The following C7 variants were observed in gnomAD, a reference collection of about 807,000 sequenced individuals.
C7 encodes complement component C7.
A neutral mutation model predicts 104.8 loss-of-function variants in C7; 83 were observed. That is an observed-to-expected ratio of 0.79 (90% CI 0.66 to 0.95). The LOEUF is 0.95. Ranked by LOEUF, C7 falls within the 40% of genes least tolerant of loss-of-function variation. The probability of loss-of-function intolerance (pLI) is 0.00; values close to 1 mark genes in which losing one functional copy is unlikely to be tolerated. For synonymous variants in C7, 415 were observed against 360.6 expected, an observed-to-expected ratio of 1.15 and a Z score of -1.71; for missense variants, 1,070 against 1,011.2, an observed-to-expected ratio of 1.06 and a Z score of -0.79.
In C7 at chr5:40,959,449, G is replaced by A; in HGVS notation, c.1490G>A (p.Gly497Glu). The A allele has an allele frequency of 6.2e-7, 1 of 1,609,464 alleles. No individual in the cohort carries two copies. The change falls in exon 12 of 18, where the codon GGA (glycine) becomes GAA (glutamate). Residue 497 changes from glycine (G) to glutamate (E), a missense_variant and splice_region_variant. By Grantham distance (98) the Gly-to-Glu change is moderately conservative (BLOSUM62 -2). Transcript: ENST00000313164. The stretch of plus-strand genomic sequence containing the variant: ...GATCAACCTCTTTCTCATCTTGTAG[G>A]AGGGGTTGATGGAGGTTGGAGTTGC... ...EQGVLVGNQA[G>E]GVDGGWSCWS...
intron 1 of C7, among the ~76,000 whole-genome samples, chr5:40,925,304 C>T (rs1047777711): frequency 6.6e-6 from 1 of 152,114 alleles, no homozygotes; most frequent in Non-Finnish European, 1.5e-5. Flanking sequence ...AGGGCATAAA[C>T]AGAGTGCAGC....
intron 17 of C7, 24 bp downstream of exon 17, chr5:40,979,933 A>T: frequency 1.9e-6 from 3 of 1,543,306 alleles, no homozygotes; most frequent in Non-Finnish European, 2.6e-6. Flanking sequence ...CATATTTGTA[A>T]GTATAAGAAT....
chr5:40,979,662 T>A lies in C7; in HGVS notation c.2166-63T>A, dbSNP rs1740896598. On this transcript the variant is annotated intron_variant, in intron 16 of 17. Coordinates refer to ENST00000313164, the MANE Select transcript of C7 (RefSeq NM_000587.4). Reference sequence around the variant, plus strand: ...CTAAGCTCAGAGCATCACTTTTCATTTCTCCTTCTCAGCTTTTACGAACAA... The same window carrying A: ...CTAAGCTCAGAGCATCACTTTTCATATCTCCTTCTCAGCTTTTACGAACAA... 2.1e-6 allele frequency: 3 copies of A among 1,412,806 alleles called. No individual in the cohort carries two copies. The Admixed American group carries it at 5.7e-5, about 27-fold the overall frequency. 87.5% of individuals were successfully genotyped at this position (1,412,806 alleles called of 1,614,324 possible).
rs138558983 is a variant in C7 at position 40,918,949 on chromosome 5, GACACACACAC to G, written c.6+9367_6+9376del. Among the ~76,000 whole-genome samples, 887 of 138,388 alleles carry G rather than the reference GACACACACAC, an allele frequency of 6.4e-3. 8 individuals carry two copies. The highest frequency in any genetic ancestry group is 0.02 in the African/African-American group (699 of 35,708). 90.8% of individuals were successfully genotyped at this position (138,388 alleles called of 152,430 possible). A position where few individuals can be genotyped will look rare whatever the true frequency, so the allele number is the denominator to read the frequency against. On this transcript the variant is annotated intron_variant, in intron 1 of 17. Transcript: ENST00000313164. ...CGCTTTAGACCTAATGAATCTAACA[GACACACACAC>G]ACACACACACACACACACACACACA...
rs779561040 is a variant in C7, at chr5:40,972,440, A to G, written c.1920A>G (p.Ile640Met). 24 of 1,613,790 alleles carry G rather than the reference A, an allele frequency of 1.5e-5. No homozygotes were observed. The highest frequency in any genetic ancestry group is 5.0e-5 in the Admixed American group (3 of 59,996). Residue 640 changes from isoleucine (I) to methionine (M), a missense_variant, in exon 15 of 18, where the codon ATA (isoleucine) becomes ATG (methionine). Ile to Met is a conservative substitution (Grantham distance 10). Transcript: ENST00000313164. The stretch of plus-strand genomic sequence containing the variant: ...TTCTACCTGTACTGATGGATGGCAT[A>G]CAGAGTCACCCCCAAAAACCTTTCT... Reference protein sequence around the residue: ...ACVLPVLMDGIQSHPQKPFYT... With the variant: ...ACVLPVLMDGMQSHPQKPFYT...
chr5:40,941,990 A>G (rs1337647703), intron 6 of C7, among the ~76,000 whole-genome samples: 2 of 152,224 alleles, frequency 1.3e-5, no homozygotes, highest in Admixed American at 6.5e-5. Context: ...CCAGAGAGAA[A>G]AAAAGAAAAC....
At chr5:40,970,520 G>A (rs1740675914) in intron 14 of C7, among the ~76,000 whole-genome samples, 2 of 152,294 alleles carry the variant, frequency 1.3e-5, no homozygotes, top group Non-Finnish European at 2.9e-5. Flanking sequence ...GCTGGGTGTG[G>A]TGGCATGTGC....
Position 40,910,410 on chromosome 5 carries a change from G to C in C7, c.6+794G>C, listed in dbSNP as rs115846397. Among the ~76,000 whole-genome samples, 916 of 152,216 alleles carry C rather than the reference G, an allele frequency of 6.0e-3. 2 individuals are homozygous for C. Among genetic ancestry groups the C allele is most frequent in the Middle Eastern group, 0.01 (3 of 294 alleles). On this transcript the variant is annotated intron_variant, in intron 1 of 17. Coordinates refer to ENST00000313164, the MANE Select transcript of C7 (RefSeq NM_000587.4). ...TCACAGATCTGTCAGTGGCTAGATT[G>C]CTTCCATAGTCACTGTATTGTCCAT...
intron 14 of C7, 108 bp from the exon 15 acceptor site, chr5:40,972,295 C>A: frequency 1.1e-6 from 1 of 872,964 alleles, no homozygotes; most frequent in Non-Finnish European, 1.8e-6. Flanking sequence ...CCTCCTTGTC[C>A]TCTAATATGA....
At chr5:40,909,962 T>C (rs1167338655) in intron 1 of C7, among the ~76,000 whole-genome samples, 3 of 150,690 alleles carry the variant, frequency 2.0e-5, no homozygotes. Flanking sequence ...GGGAAAAACT[T>C]TCCTCTGGTG....
chr5:40,980,108 G>C, intron 17 of C7, 199 bp downstream of exon 17: 1 of 401,036 alleles, frequency 2.5e-6, no homozygotes, highest in Non-Finnish European at 4.4e-6. Flanking sequence ...CAGAGGATAA[G>C]ATTCCCACAT....
chr5:40,913,016 A>T (rs748544981), intron 1 of C7, among the ~76,000 whole-genome samples: 2 of 152,122 alleles, frequency 1.3e-5, no homozygotes, highest in Non-Finnish European at 2.9e-5. Flanking sequence ...ATGTGTACAC[A>T]TTATTTAGCT....
At chr5:40,976,474 G>A (rs1430102923) in intron 15 of C7, among the ~76,000 whole-genome samples, 1 of 152,148 alleles carries the variant, frequency 6.6e-6, no homozygotes, top group Non-Finnish European at 1.5e-5. Context: ...GTGTTAGGGA[G>A]GCATGAATAT....
intron 1 of C7, among the ~76,000 whole-genome samples, chr5:40,910,117 G>C (rs1357917352): frequency 6.6e-6 from 1 of 151,752 alleles, no homozygotes; most frequent in Non-Finnish European, 1.5e-5. Flanking sequence ...AGCATTGTGA[G>C]AATAGAAGAT....
chr5:40,976,699 C>A lies in C7; in HGVS notation c.2075-51C>A. 9 of 1,311,636 alleles carry A rather than the reference C, an allele frequency of 6.9e-6. No individual in the cohort carries two copies. The South Asian group carries it at 1.0e-4, about 15-fold the overall frequency. 81.2% of individuals were successfully genotyped at this position (1,311,636 alleles called of 1,614,324 possible). ...AGCAATTCATATAATACCTTGTTTA[C>A]TATGAAGAGGCTTTTCTCCTAACGA... On this transcript the variant is annotated intron_variant, in intron 15 of 17. Transcript: ENST00000313164.
intron 14 of C7, among the ~76,000 whole-genome samples, chr5:40,967,203 C>T (rs1460387474): frequency 1.3e-5 from 2 of 151,716 alleles, no homozygotes; most frequent in Non-Finnish European, 2.9e-5. Flanking sequence ...GTAGCTGGGA[C>T]AACAGCCGTG....
chr5:40,981,284 C>A, intron 17 of C7, 108 bp from the exon 18 acceptor site: 4 of 1,047,440 alleles, frequency 3.8e-6, no homozygotes, highest in Non-Finnish European at 4.3e-6. Context: ...TCATTCCAGG[C>A]AGGAGCTTCT....
In C7 at chr5:40,937,615, A is replaced by G. The variant is rs752128792; in HGVS notation, c.492A>G (p.Gln164=). The G allele has an allele frequency of 1.1e-5, 17 of 1,612,760 alleles. No homozygotes were observed. Among genetic ancestry groups the G allele is most frequent in the African/African-American group, 6.7e-5 (5 of 74,904 alleles). ...RVINTKSFGG[Q]CRKVFSGDGK... ...TCAATACCAAAAGTTTTGGTGGTCA[A>G]TGTAGAAAGGTGTTTAGTGGGGATG... Residue 164 remains glutamine, a synonymous_variant, in exon 6 of 18, where the codon CAA becomes CAG. Coordinates refer to ENST00000313164, the MANE Select transcript of C7 (RefSeq NM_000587.4).
Position 40,960,967 on chromosome 5 carries a change from T to C in C7, c.1662-1118T>C, listed in dbSNP as rs570184307. Among the ~76,000 whole-genome samples, 8 of 152,308 alleles carry C rather than the reference T, an allele frequency of 5.3e-5. No individual in the cohort carries two copies. In the South Asian group the frequency reaches 1.7e-3, roughly 32 times the overall value. On this transcript the variant is annotated intron_variant, in intron 12 of 17. Transcript: ENST00000313164. ...CAGGATTGGCACTTGTGGGATGATATTAGGACTTCTGTTCTCCCATCTTCC... is the reference window on the plus strand; with the variant it reads ...CAGGATTGGCACTTGTGGGATGATACTAGGACTTCTGTTCTCCCATCTTCC...
Sources: allele counts gnomAD v4.1 joint callset (sites outside exome capture counted in the v4.1 genomes callset), GRCh38; gene constraint gnomAD v4.1.1; transcripts MANE v1.5; gene names NCBI Gene and HGNC (gene_info 2026-07-23, HGNC 2026-07-21).